The following TIAM1 variants were observed in gnomAD, a reference collection of about 807,000 sequenced individuals.
The protein encoded by TIAM1 is rho guanine nucleotide exchange factor TIAM1.
A neutral mutation model predicts 163.5 loss-of-function variants in TIAM1; 65 were observed. The observed-to-expected ratio is 0.40, with a 90% CI of 0.33 to 0.49. The LOEUF is 0.49. Among genes scored for constraint, TIAM1 ranks in the 20% least tolerant of loss-of-function variants. The pLI, the probability that TIAM1 is intolerant of heterozygous loss-of-function variation, is 0.77. For synonymous variants in TIAM1, 833 were observed against 810.1 expected, an observed-to-expected ratio of 1.03 and a Z score of -0.48; for missense variants, 1,789 against 2,044.7, an observed-to-expected ratio of 0.87 and a Z score of 2.41.
chr21:31,217,849 G>C, intron 8 of TIAM1, 150 bp from the exon 9 acceptor site: 3 of 854,866 alleles, frequency 3.5e-6, no homozygotes, highest in Non-Finnish European at 5.1e-6. Context: ...TTCAATCCAT[G>C]ACCCAGACAT....
At chr21:31,302,698 A>G (rs1365890292) in intron 2 of TIAM1, among the ~76,000 whole-genome samples, 1 of 152,240 alleles carries the variant, frequency 6.6e-6, no homozygotes, top group Non-Finnish European at 1.5e-5. Flanking sequence ...CAAGGAGACT[A>G]CACTGCTTGC....
At chr21:31,221,286 G>C (rs750107030) in intron 8 of TIAM1, among the ~76,000 whole-genome samples, 1 of 152,186 alleles carries the variant, frequency 6.6e-6, no homozygotes, top group Non-Finnish European at 1.5e-5. Context: ...TCATAGAAAA[G>C]AGAAGTTGCA....
chr21:31,279,431 AC>A (rs757420420), intron 2 of TIAM1, among the ~76,000 whole-genome samples: 1 of 152,150 alleles, frequency 6.6e-6, no homozygotes, highest in African/African-American at 2.4e-5. Context: ...AACTATCAGT[AC>A]TCTGGGTTTT....
At chr21:31,171,745 A>T (rs914638708) in intron 15 of TIAM1, among the ~76,000 whole-genome samples, 8 of 152,106 alleles carry the variant, frequency 5.3e-5, no homozygotes, top group African/African-American at 1.9e-4. Flanking sequence ...ATTTGCTTTG[A>T]TAATATGTTA....
intron 4 of TIAM1, among the ~76,000 whole-genome samples, chr21:31,253,500 A>C (rs1045540281): frequency 6.6e-6 from 1 of 152,196 alleles, no homozygotes; most frequent in Non-Finnish European, 1.5e-5. Flanking sequence ...ATCTCCACGA[A>C]CTTCACTTAG....
intron 1 of TIAM1, among the ~76,000 whole-genome samples, chr21:31,546,977 A>G (rs1228862170): frequency 2.0e-5 from 3 of 151,898 alleles, no homozygotes; most frequent in Non-Finnish European, 4.4e-5. Flanking sequence ...GCTGGCTCCT[A>G]TGTTGTAATA....
intron 4 of TIAM1, among the ~76,000 whole-genome samples, chr21:31,258,175 G>A (rs1416229722): frequency 2.0e-5 from 3 of 151,834 alleles, no homozygotes; most frequent in African/African-American, 7.3e-5. Context: ...TCACCCCAAC[G>A]AGCTCCACGA....
intron 2 of TIAM1, among the ~76,000 whole-genome samples, chr21:31,394,728 T>TCTCTCTCTCTCTCTCACA (rs1279053911): frequency 5.9e-4 from 56 of 95,720 alleles, no homozygotes; most frequent in Non-Finnish European, 1.0e-3. Flanking sequence ...TCTCTCTCTC[T>TCTCTCTCTCTCTCTCACA]CACACACACA....
intron 10 of TIAM1, among the ~76,000 whole-genome samples, chr21:31,211,127 GC>G (rs2146567525): frequency 6.6e-6 from 1 of 152,230 alleles, no homozygotes; most frequent in Non-Finnish European, 1.5e-5. Context: ...GCAAAAACAA[GC>G]CTCCTTTGCT....
chr21:31,146,849 A>C, intron 20 of TIAM1, 46 bp downstream of exon 20: 1 of 1,501,952 alleles, frequency 6.7e-7, no homozygotes, highest in Non-Finnish European at 9.3e-7. Flanking sequence ...CAGCCACACA[A>C]CTGACAAGCA....
rs932907083 is a variant in TIAM1 at position 31,306,789 on chromosome 21, C to T, written c.-188-29881G>A. 2.0e-5 allele frequency among the ~76,000 whole-genome samples: 3 copies of T among 152,116 alleles called. No individual in the cohort carries two copies. In the East Asian group the frequency reaches 5.8e-4, roughly 29 times the overall value. On this transcript the variant is annotated intron_variant, in intron 2 of 27. Transcript: ENST00000541036. ...TCCTGACTGAAGGAGTCTAAAGACA[C>T]GAGACAATCACGGGCAAGGCATGAT...
intron 2 of TIAM1, among the ~76,000 whole-genome samples, chr21:31,338,976 AAGAC>A: frequency 6.6e-6 from 1 of 152,186 alleles, no homozygotes; most frequent in African/African-American, 2.4e-5. Flanking sequence ...AGAAGTCAGA[AAGAC>A]AGAGGATTAC....
chr21:31,226,008 TGAACCG>T, intron 6 of TIAM1, 58 bp from the exon 7 acceptor site: 1 of 1,489,486 alleles, frequency 6.7e-7, no homozygotes, highest in Non-Finnish European at 9.3e-7. Flanking sequence ...TTAAGAGAAA[TGAACCG>T]GAGCATTTCC....
intron 13 of TIAM1, among the ~76,000 whole-genome samples, chr21:31,193,702 C>T (rs911089646): frequency 1.3e-5 from 2 of 152,106 alleles, no homozygotes; most frequent in African/African-American, 4.8e-5. Context: ...AAAGCAACCC[C>T]CAAATAATTT....
intron 16 of TIAM1, among the ~76,000 whole-genome samples, chr21:31,158,588 G>C (rs565317172): frequency 6.6e-6 from 1 of 152,030 alleles, no homozygotes; most frequent in Non-Finnish European, 1.5e-5. Flanking sequence ...GTTGTTAAGC[G>C]GTGTTATATA....
chr21:31,550,415 G>A (rs958851256), intron 1 of TIAM1, among the ~76,000 whole-genome samples: 2 of 152,058 alleles, frequency 1.3e-5, no homozygotes, highest in Admixed American at 6.6e-5. Context: ...TCTATTTCTC[G>A]GTAATGTCCA....
At chr21:31,495,926 C>T (rs1343609812) in intron 1 of TIAM1, among the ~76,000 whole-genome samples, 3 of 151,562 alleles carry the variant, frequency 2.0e-5, no homozygotes, top group East Asian at 2.0e-4. Flanking sequence ...GAGCCGAGAT[C>T]GCTCCACTGC....
At chr21:31,487,086 T>C (rs1423404440) in intron 1 of TIAM1, among the ~76,000 whole-genome samples, 1 of 152,186 alleles carries the variant, frequency 6.6e-6, no homozygotes, top group Non-Finnish European at 1.5e-5. Flanking sequence ...TGGCTGCCCA[T>C]CAGTTTTGTT....
chr21:31,432,090 C>CAT (rs2044049861), intron 2 of TIAM1, among the ~76,000 whole-genome samples: 1 of 132,030 alleles, frequency 7.6e-6, no homozygotes, highest in Non-Finnish European at 1.6e-5. Context: ...ATCTAAGATT[C>CAT]CTTTTTTTTT....
Sources: allele counts gnomAD v4.1 joint callset (sites outside exome capture counted in the v4.1 genomes callset), GRCh38; gene constraint gnomAD v4.1.1; transcripts MANE v1.5; gene names NCBI Gene and HGNC (gene_info 2026-07-23, HGNC 2026-07-21).